Variants in APAF1 observed in about 807,000 individuals in gnomAD.
APAF1 encodes apoptotic peptidase activating factor 1.
Under a neutral mutation model 152.4 loss-of-function variants are expected in APAF1, and 91 were observed. The ratio of observed to expected loss-of-function variants is 0.60; its 90% CI spans 0.50 to 0.71. The LOEUF is 0.71. Ranked by LOEUF, APAF1 falls within the 30% of genes least tolerant of loss-of-function variation. The pLI is 0.00. For missense variants in APAF1, 1,283 were observed against 1,472.0 expected, an observed-to-expected ratio of 0.87 and a Z score of 2.10; for synonymous variants, 484 against 494.1, an observed-to-expected ratio of 0.98 and a Z score of 0.27.
intron 12 of APAF1, among the ~76,000 whole-genome samples, chr12:98,676,049 T>G (rs957053647): frequency 1.3e-5 from 2 of 152,196 alleles, no homozygotes; most frequent in Admixed American, 6.5e-5. Context: ...AGAAATGAGG[T>G]TAGGTTTGTC....
chr12:98,699,315 A>C, intron 16 of APAF1, 93 bp from the exon 17 acceptor site: 1 of 1,259,058 alleles, frequency 7.9e-7, no homozygotes, highest in Non-Finnish European at 1.1e-6. Flanking sequence ...AGTGAAGTGA[A>C]TAAGTTTATG....
intron 4 of APAF1, among the ~76,000 whole-genome samples, chr12:98,656,660 G>T (rs1304244846): frequency 6.6e-6 from 1 of 152,186 alleles, no homozygotes. Context: ...AAACTCTCTT[G>T]TATCATCAAC....
intron 1 of APAF1, among the ~76,000 whole-genome samples, chr12:98,647,346 A>G (rs577337025): frequency 7.2e-5 from 11 of 151,938 alleles, no homozygotes; most frequent in African/African-American, 2.7e-4. Context: ...AAACTTCTAA[A>G]CGTCTATATA....
chr12:98,654,747 G>A (rs1223003680), intron 4 of APAF1, among the ~76,000 whole-genome samples: 3 of 151,668 alleles, frequency 2.0e-5, no homozygotes, highest in Non-Finnish European at 2.9e-5. Flanking sequence ...TAAAAAAATG[G>A]AAACTTAAGG....
rs544516909 is a variant in APAF1 at position 98,715,334 on chromosome 12, C to T, written c.2959-93C>T. 5.3e-4 allele frequency: 604 copies of T among 1,129,426 alleles called. 1 individual carries two copies. The highest frequency in any genetic ancestry group is 7.1e-4 in the Non-Finnish European group (570 of 799,894). 70.0% of individuals were successfully genotyped at this position (1,129,426 alleles called of 1,614,324 possible). A position where few individuals can be genotyped will look rare whatever the true frequency, so the allele number is the denominator to read the frequency against. ...GAAGCACCAGATGGAAATTCTGTACCCTCCAGTCTAATTTTAGTTTAATAT... is the reference window on the plus strand; with the variant it reads ...GAAGCACCAGATGGAAATTCTGTACTCTCCAGTCTAATTTTAGTTTAATAT... On this transcript the variant is annotated intron_variant, in intron 21 of 26. Coordinates refer to ENST00000551964, the MANE Select transcript of APAF1 (RefSeq NM_181861.2).
chr12:98,723,700 T>C lies in APAF1; in HGVS notation c.3266T>C (p.Leu1089Pro), dbSNP rs1010899516. Reference sequence around the variant, plus strand: ...TTTGTCTGTCACCAGGGTACAGTACTTTCTTGTGACATTTCTCACGATGCT... The same window carrying C: ...TTTGTCTGTCACCAGGGTACAGTACCTTCTTGTGACATTTCTCACGATGCT... The part of the protein sequence containing the change: ...KDFVCHQGTV[L>P]SCDISHDATK... The change falls in exon 24 of 27, where the codon CTT becomes CCT. Residue 1089 changes from leucine to proline, a missense_variant. Physicochemically the swap from Leu to Pro is moderately conservative, Grantham distance 98. Coordinates refer to ENST00000551964, the MANE Select transcript of APAF1 (RefSeq NM_181861.2). 1 of 1,612,970 alleles carries C rather than the reference T, an allele frequency of 6.2e-7. No homozygotes were observed. Among genetic ancestry groups the C allele is most frequent in the East Asian group, 2.2e-5 (1 of 44,832 alleles).
intron 4 of APAF1, among the ~76,000 whole-genome samples, chr12:98,653,678 AAAAAAAAAAAAAAATATATATATATATAT>A: frequency 1.5e-5 from 1 of 67,054 alleles, no homozygotes; most frequent in South Asian, 5.0e-4. Context: ...AAAAAAAAAA[AAAAAAAAAAAAAAATATATATATATATAT>A]ATATATATAT....
chr12:98,686,138 A>G (rs1173290007), intron 15 of APAF1, among the ~76,000 whole-genome samples: 2 of 152,168 alleles, frequency 1.3e-5, no homozygotes, highest in African/African-American at 4.8e-5. Context: ...CATTTCTATC[A>G]TGTTTGTTGG....
At chr12:98,675,405 A>G (rs2097685420) in intron 12 of APAF1, among the ~76,000 whole-genome samples, 2 of 152,186 alleles carry the variant, frequency 1.3e-5, no homozygotes, top group Non-Finnish European at 2.9e-5. Flanking sequence ...GCTAGAACTT[A>G]TCTGTTCTTC....
intron 16 of APAF1, among the ~76,000 whole-genome samples, chr12:98,688,899 A>G (rs183486992): frequency 3.3e-5 from 5 of 151,130 alleles, no homozygotes; most frequent in Non-Finnish European, 7.4e-5. Context: ...ACCACAGTCT[A>G]TCTCCTGGGC....
At chr12:98,663,783 C>G (rs983455126) in intron 7 of APAF1, among the ~76,000 whole-genome samples, 2 of 149,656 alleles carry the variant, frequency 1.3e-5, no homozygotes, top group Non-Finnish European at 3.0e-5. Flanking sequence ...CTCAGCCTCT[C>G]GAGTATCTGG....
At chr12:98,679,145 T>C (rs2153323300) in intron 13 of APAF1, among the ~76,000 whole-genome samples, 1 of 152,298 alleles carries the variant, frequency 6.6e-6, no homozygotes, top group Middle Eastern at 3.4e-3. Flanking sequence ...CCAGTTGGCA[T>C]GTACTTCCTC....
chr12:98,687,319 G>A (rs1235491877), intron 16 of APAF1, among the ~76,000 whole-genome samples: 2 of 148,372 alleles, frequency 1.3e-5, no homozygotes, highest in Admixed American at 1.4e-4. Flanking sequence ...CTGAGATCAC[G>A]CCACTCCACT....
intron 9 of APAF1, 103 bp from the exon 10 acceptor site, chr12:98,667,410 C>T (rs2097674399): frequency 2.1e-6 from 3 of 1,446,614 alleles, no homozygotes; most frequent in Non-Finnish European, 2.9e-6. Context: ...GCCACCGAGC[C>T]CGGCCTCTCT....
chr12:98,714,199 A>G (rs2097731351), intron 21 of APAF1, among the ~76,000 whole-genome samples: 1 of 152,152 alleles, frequency 6.6e-6, no homozygotes, highest in Non-Finnish European at 1.5e-5. Flanking sequence ...CATTTTTACC[A>G]TCTATCTTAA....
chr12:98,723,425 T>G (rs1057207974), intron 23 of APAF1, 113 bp downstream of exon 23: 6 of 1,245,512 alleles, frequency 4.8e-6, no homozygotes, highest in Admixed American at 2.0e-5. Flanking sequence ...AATTTTTAAT[T>G]TTTCTCATGC....
chr12:98,657,119 A>G (rs2097658760), intron 4 of APAF1, among the ~76,000 whole-genome samples: 1 of 152,184 alleles, frequency 6.6e-6, no homozygotes, highest in Non-Finnish European at 1.5e-5. Context: ...TGTCATTACT[A>G]GAACTACAGC....
At chr12:98,706,327 T>A (rs1331787060) in intron 18 of APAF1, among the ~76,000 whole-genome samples, 158 bp from the exon 19 acceptor site, 1 of 152,250 alleles carries the variant, frequency 6.6e-6, no homozygotes, top group Non-Finnish European at 1.5e-5. Context: ...ATGCACTAAA[T>A]AATCTTCTGC....
chr12:98,701,484 T>C (rs2097715357), intron 17 of APAF1, among the ~76,000 whole-genome samples: 1 of 152,238 alleles, frequency 6.6e-6, no homozygotes, highest in African/African-American at 2.4e-5. Flanking sequence ...AGGGTTCCAA[T>C]TTCTCCACAT....
Sources: gnomAD v4.1 joint callset for allele counts (sites outside exome capture counted in the v4.1 genomes callset) on GRCh38, gnomAD v4.1.1 for gene constraint, MANE v1.5 for transcripts, NCBI Gene and HGNC (gene_info 2026-07-23, HGNC 2026-07-21) for gene names.